CFAP99: variants seen among roughly 807,000 people sequenced by gnomAD.
The protein encoded by CFAP99 is cilia- and flagella-associated protein 99.
In CFAP99, 84 loss-of-function variants were observed where a neutral mutation model predicts 82.7. The observed-to-expected ratio is 1.02, with a 90% CI of 0.85 to 1.22. The LOEUF (loss-of-function observed/expected upper bound fraction) is 1.22, where lower values mean the gene tolerates loss of function less well. Among genes scored for constraint, CFAP99 ranks in the 50% most tolerant of loss-of-function variants. The pLI is 0.00. For missense variants in CFAP99, 1,059 were observed against 983.5 expected (o/e 1.08, Z -1.03); for synonymous variants, 456 against 429.5 (o/e 1.06, Z -0.76).
At chr4:2,437,238 C>G (rs1733937504) in intron 3 of CFAP99, among the ~76,000 whole-genome samples, 1 of 152,232 alleles carries the variant, frequency 6.6e-6, no homozygotes, top group African/African-American at 2.4e-5. Flanking sequence ...AGACCTGGCT[C>G]TGCCACCCCA....
At position 2,460,069 on chromosome 4, in the gene CFAP99, C is replaced by T. The variant is rs753751427; in HGVS notation, c.1488C>T (p.Ser496=). 13 of 1,536,048 alleles carry T rather than the reference C, an allele frequency of 8.5e-6. No homozygotes were observed. The South Asian group carries it at 1.5e-4, about 18-fold the overall frequency. The stretch of plus-strand genomic sequence containing the variant: ...GCTACGGCCTGGAAGGAGAGATGTC[C>T]ATAGTGGAGCTGCGAGAGCGGCTGG... Residue 496 remains serine, a synonymous_variant, in exon 14 of 15, where the codon TCC becomes TCT. Coordinates refer to ENST00000635017, the Ensembl canonical transcript of CFAP99.
At chr4:2,454,581 C>CTTTTTTTTTTTGTTTTTTTTTTTTTTTTT (rs1734378524) in intron 11 of CFAP99, among the ~76,000 whole-genome samples, 2 of 94,724 alleles carry the variant, frequency 2.1e-5, no homozygotes, top group East Asian at 2.7e-4. Context: ...TGTTTTTTTT[C>CTTTTTTTTTTTGTTTTTTTTTTTTTTTTT]TTTTTTTTTT....
At chr4:2,461,289 G>A (rs547944874) in intron 14 of CFAP99, among the ~76,000 whole-genome samples, 1 of 152,334 alleles carries the variant, frequency 6.6e-6, no homozygotes, top group South Asian at 2.1e-4. Context: ...AGGCCCAGCT[G>A]TTGTAGTAGA....
In CFAP99 at chr4:2,462,873, C is replaced by A. The variant is rs1266165775; in HGVS notation, c.2092C>A (p.Leu698Met). Reference sequence around the variant, plus strand: ...GAGCCGCGAGCGCAGGCTGCAGGCGCTGCAGCAGGGAGGCTCAGGACCCGG... The same window carrying A: ...GAGCCGCGAGCGCAGGCTGCAGGCGATGCAGCAGGGAGGCTCAGGACCCGG... Residue 698 changes from leucine (L) to methionine (M), a missense_variant, in exon 15 of 15, where the codon CTG (leucine) becomes ATG (methionine). Leu to Met is a conservative substitution (Grantham distance 15). Coordinates refer to ENST00000635017, the Ensembl canonical transcript of CFAP99. This position sits in a 1 kb window ranked among gnomAD's most constrained non-coding sequence, Gnocchi z 4.1. 4 of 1,387,956 alleles carry A rather than the reference C, an allele frequency of 2.9e-6. No individual in the cohort carries two copies. Among genetic ancestry groups the A allele is most frequent in the East Asian group, 3.2e-5 (1 of 31,576 alleles). 86.0% of individuals were successfully genotyped at this position (1,387,956 alleles called of 1,614,324 possible).
chr4:2,423,832 C>T (rs1203788), intron 1 of CFAP99, among the ~76,000 whole-genome samples: 34,484 of 151,454 alleles, frequency 0.23, 4,578 homozygotes, highest in African/African-American at 0.35. Flanking sequence ...TCATCAGGAC[C>T]GCACTGGCGC....
intron 6 of CFAP99, among the ~76,000 whole-genome samples, chr4:2,449,331 G>A (rs1734246156): frequency 1.3e-5 from 2 of 152,100 alleles, no homozygotes; most frequent in Non-Finnish European, 2.9e-5. Context: ...TGTCAAGGGA[G>A]CTGGCTGCCT....
At chr4:2,450,204 C>T (rs1381258312) in intron 8 of CFAP99, 199 bp downstream of exon 8, 6 of 607,866 alleles carry the variant, frequency 9.9e-6, no homozygotes, top group Admixed American at 5.5e-5. Context: ...CGGGTGTAGA[C>T]GCGCACCCAC....
chr4:2,428,508 A>G (rs12500482), intron 2 of CFAP99: 80,329 of 150,566 alleles, frequency 0.53, 21,728 homozygotes, highest in East Asian at 0.67. Flanking sequence ...CCTCCCTCAC[A>G]CCCCTCCCTG....
intron 2 of CFAP99, among the ~76,000 whole-genome samples, chr4:2,432,177 C>G (rs991691315): frequency 6.6e-6 from 1 of 152,200 alleles, no homozygotes; most frequent in Non-Finnish European, 1.5e-5. Flanking sequence ...GCCTCATAGT[C>G]ACTAAATGGC....
chr4:2,441,489 C>G (rs1734037252), intron 4 of CFAP99, among the ~76,000 whole-genome samples: 1 of 152,170 alleles, frequency 6.6e-6, no homozygotes, highest in Non-Finnish European at 1.5e-5. Context: ...AAAGCGCCAG[C>G]CCAGGACAGA....
chr4:2,446,249 C>T lies in CFAP99; in HGVS notation c.642+941C>T, dbSNP rs1203811. Among the ~76,000 whole-genome samples, 18,739 of 152,106 alleles carry T rather than the reference C, an allele frequency of 0.12. 1,239 individuals carry two copies. The highest frequency in any genetic ancestry group is 0.24 in the Middle Eastern group (70 of 294). Reference sequence around the variant, plus strand: ...ACTGATCCTGGCTCCTTTTCTTCACCGAATTGGAGTTTAGAGTTGTTTAGT... The same window carrying T: ...ACTGATCCTGGCTCCTTTTCTTCACTGAATTGGAGTTTAGAGTTGTTTAGT... On this transcript the variant is annotated intron_variant, in intron 6 of 14. Transcript: ENST00000635017. The surrounding 1 kb of genome is among the most constrained non-coding windows in gnomAD (Gnocchi z 5.0).
exon 14 of CFAP99, chr4:2,460,115 C>G (rs145663192): frequency 5.9e-6 from 9 of 1,535,964 alleles, no homozygotes; most frequent in Non-Finnish European, 7.8e-6. Flanking sequence ...AGAGAATCAG[C>G]GGCGCAAGGA....
At chr4:2,421,725 G>A (rs1001315147) in intron 1 of CFAP99, among the ~76,000 whole-genome samples, 6 of 151,900 alleles carry the variant, frequency 3.9e-5, no homozygotes, top group Non-Finnish European at 7.4e-5. Context: ...ATCAATATGA[G>A]AAAAAAATCT....
chr4:2,434,444 G>A (rs1209014340), intron 2 of CFAP99, among the ~76,000 whole-genome samples: 2 of 152,232 alleles, frequency 1.3e-5, no homozygotes, highest in African/African-American at 4.8e-5. Flanking sequence ...CTGTCCCCGG[G>A]AGAATGTTGC....
chr4:2,453,872 G>GGA (rs1734363669), intron 11 of CFAP99, among the ~76,000 whole-genome samples: 1 of 151,096 alleles, frequency 6.6e-6, no homozygotes. Context: ...GGAGTGCGGT[G>GGA]GTGTGATCTC....
chr4:2,422,147 C>T (rs1051969252), intron 1 of CFAP99, among the ~76,000 whole-genome samples: 18 of 152,224 alleles, frequency 1.2e-4, no homozygotes, highest in Non-Finnish European at 8.8e-5. Context: ...ATTTCCTCCC[C>T]AAAGAGGTGA....
chr4:2,449,780 G>C (rs1262536047), intron 7 of CFAP99, 30 bp downstream of exon 7: 5 of 1,535,216 alleles, frequency 3.3e-6, no homozygotes, highest in East Asian at 2.4e-5. Context: ...TGCCTTCCTA[G>C]AGACCCCATA....
chr4:2,429,748 C>T (rs11723543), intron 2 of CFAP99, among the ~76,000 whole-genome samples: 74 of 152,142 alleles, frequency 4.9e-4, no homozygotes, highest in Non-Finnish European at 9.3e-4. Flanking sequence ...CCCGCCACCA[C>T]GCCCAGCTAA....
exon 12 of CFAP99, chr4:2,458,808 G>T: frequency 6.5e-7 from 1 of 1,535,920 alleles, no homozygotes; most frequent in South Asian, 1.2e-5. Context: ...GTGATAGAGG[G>T]GCAGAAGAAC....
Sources: allele counts gnomAD v4.1 joint callset (sites outside exome capture counted in the v4.1 genomes callset), GRCh38; gene constraint gnomAD v4.1.1; non-coding constraint Gnocchi (gnomAD v3.1); transcripts MANE v1.5; gene names NCBI Gene and HGNC (gene_info 2026-07-23, HGNC 2026-07-21).